Variants in ANKRD30A observed in about 807,000 individuals in gnomAD.
ANKRD30A encodes ankyrin repeat domain 30A.
A neutral mutation model predicts 166.3 loss-of-function variants in ANKRD30A; 170 were observed. The observed-to-expected ratio is 1.02, with a 90% confidence interval of 0.90 to 1.16. The LOEUF (loss-of-function observed/expected upper bound fraction) is 1.16. Among genes scored for constraint, ANKRD30A ranks in the 50% most tolerant of loss-of-function variants. The pLI, the probability that ANKRD30A is intolerant of heterozygous loss-of-function variation, is 0.00. For missense variants in ANKRD30A, 1,630 were observed against 1,518.0 expected (o/e 1.07, Z -1.23); for synonymous variants, 564 against 508.9 (o/e 1.11, Z -1.46).
chr10:37,165,421 G>C (rs1392835808), intron 18 of ANKRD30A, among the ~76,000 whole-genome samples: 1 of 152,224 alleles, frequency 6.6e-6, no homozygotes, highest in Non-Finnish European at 1.5e-5. Flanking sequence ...AAATTCACAT[G>C]GGATCTGGAG....
chr10:37,159,215 G>A (rs1316616132), intron 15 of ANKRD30A, among the ~76,000 whole-genome samples: 4 of 152,086 alleles, frequency 2.6e-5, no homozygotes, highest in Admixed American at 2.0e-4. Flanking sequence ...TCCCATGCAC[G>A]TTTAAAACAT....
intron 5 of ANKRD30A, among the ~76,000 whole-genome samples, chr10:37,134,888 A>C (rs771094860): frequency 6.6e-6 from 1 of 152,174 alleles, no homozygotes. Context: ...TTAGAGACCC[A>C]TTTTTATTTT....
At chr10:37,183,330 A>G (rs2132642582) in intron 24 of ANKRD30A, among the ~76,000 whole-genome samples, 1 of 145,290 alleles carries the variant, frequency 6.9e-6, no homozygotes, top group South Asian at 2.3e-4. Flanking sequence ...TAGGAAAAAC[A>G]TTATGTGAAC....
intron 6 of ANKRD30A, 125 bp from the exon 7 acceptor site, chr10:37,141,593 A>AAT: frequency 1.4e-5 from 17 of 1,223,630 alleles, no homozygotes; most frequent in Non-Finnish European, 1.9e-5. Flanking sequence ...AAAAAAAAAA[A>AAT]GAGAAAAGAA....
Position 37,217,802 on chromosome 10 carries a change from A to G in ANKRD30A, c.3191A>G (p.Glu1064Gly). The change falls in exon 33 of 36, where the codon GAA becomes GGA. Residue 1064 changes from glutamate (E) to glycine (G), a missense_variant. By Grantham distance (98) the Glu-to-Gly change is moderately conservative. Transcript: ENST00000361713. ...RIEEQHRKEL[E>G]VKQQLEQALR... ...GAAGAGCAGCATAGGAAAGAGTTAG[A>G]AGTGAAACAACAACTTGAACAGGCT... The G allele has an allele frequency of 1.9e-6, 3 of 1,600,774 alleles. No homozygotes were observed. The highest frequency in any genetic ancestry group is 2.6e-6 in the Non-Finnish European group (3 of 1,172,800).
chr10:37,233,639 A>G (rs1468979049), downstream of ANKRD30A, among the ~76,000 whole-genome samples: 2 of 152,188 alleles, frequency 1.3e-5, no homozygotes, highest in Admixed American at 6.5e-5. Context: ...TTGCCAAATC[A>G]TGTTCGACTT....
intron 3 of ANKRD30A, among the ~76,000 whole-genome samples, chr10:37,130,901 C>T (rs577613494): frequency 4.6e-5 from 7 of 152,244 alleles, no homozygotes; most frequent in Admixed American, 2.6e-4. Context: ...TCTGTAAATA[C>T]TTCAGTTATC....
chr10:37,158,710 A>G (rs927563979), intron 15 of ANKRD30A, 124 bp downstream of exon 15: 1 of 1,376,218 alleles, frequency 7.3e-7, no homozygotes, highest in African/African-American at 1.5e-5. Flanking sequence ...TTGATACAAT[A>G]ATGCCAATGT....
intron 27 of ANKRD30A, among the ~76,000 whole-genome samples, chr10:37,195,000 T>C (rs1218770970): frequency 6.6e-6 from 1 of 152,148 alleles, no homozygotes; most frequent in Non-Finnish European, 1.5e-5. Context: ...AATTATGACA[T>C]TGTGACATGT....
chr10:37,218,933 T>C (rs376776374), intron 33 of ANKRD30A, 47 bp from the exon 34 acceptor site: 8 of 1,228,342 alleles, frequency 6.5e-6, no homozygotes, highest in East Asian at 4.8e-5. Flanking sequence ...AACCATGATA[T>C]GCCATTTTAT....
intron 34 of ANKRD30A, among the ~76,000 whole-genome samples, chr10:37,224,996 C>G (rs1212489194): frequency 2.0e-5 from 3 of 151,436 alleles, no homozygotes; most frequent in East Asian, 3.9e-4. Flanking sequence ...ATGCTTTTCC[C>G]CTTTGATGCT....
chr10:37,216,045 G>A (rs759670099), intron 31 of ANKRD30A, 136 bp from the exon 32 acceptor site: 2 of 450,716 alleles, frequency 4.4e-6, no homozygotes, highest in Non-Finnish European at 7.5e-6. Flanking sequence ...TTAATCTGCA[G>A]AGCTTAGTAT....
chr10:37,133,113 G>A (rs1051848765), intron 4 of ANKRD30A, among the ~76,000 whole-genome samples: 9 of 151,990 alleles, frequency 5.9e-5, no homozygotes, highest in East Asian at 1.9e-4. Context: ...TTATCCCTAC[G>A]TGACTATTAA....
chr10:37,139,456 C>A (rs1836950539), intron 6 of ANKRD30A, among the ~76,000 whole-genome samples: 1 of 152,162 alleles, frequency 6.6e-6, no homozygotes, highest in Non-Finnish European at 1.5e-5. Flanking sequence ...GCCATCCTGC[C>A]CATGGGTGAT....
rs71007624 is a variant in ANKRD30A, at chr10:37,219,988, AATATATATATATATAT to A, written c.4185+117_4185+132del. 1.9e-3 allele frequency: 361 copies of A among 187,862 alleles called. 4 individuals are homozygous for A. The highest frequency in any genetic ancestry group is 6.3e-3 in the Middle Eastern group (4 of 634). 11.6% of individuals were successfully genotyped at this position (187,862 alleles called of 1,614,324 possible). ...CTTGGCTAAATGCTGAATCTAGTTG[AATATATATATATATAT>A]ATATATATATATATATATATATATA... On this transcript the variant is annotated intron_variant, in intron 34 of 35. Coordinates refer to ENST00000361713, the MANE Select transcript of ANKRD30A (RefSeq NM_052997.3).
intron 29 of ANKRD30A, among the ~76,000 whole-genome samples, chr10:37,198,705 A>C (rs923853535): frequency 1.3e-5 from 2 of 152,110 alleles, no homozygotes; most frequent in Non-Finnish European, 2.9e-5. Context: ...GACACTCTGC[A>C]TGAAATATGA....
Position 37,219,791 on chromosome 10 carries a change from A to T in ANKRD30A, c.4079A>T (p.Lys1360Ile), listed in dbSNP as rs746177013. ...ATTGATATTCATTTTCTTGAGAGGAAAATGCAACATCATCTCCTAAAAGAG... is the reference window on the plus strand; with the variant it reads ...ATTGATATTCATTTTCTTGAGAGGATAATGCAACATCATCTCCTAAAAGAG... ...ITIDIHFLER[K>I]MQHHLLKEKN... is the part of the protein sequence containing the mutation. The change falls in exon 34 of 36, where the codon AAA (lysine) becomes ATA (isoleucine). Residue 1360 changes from lysine to isoleucine, a missense_variant. Lys to Ile is a moderately radical substitution (Grantham distance 102, BLOSUM62 -3). Around this residue, in one of 4 missense-constraint regions of ANKRD30A, gnomAD observed 712 missense variants for 629.3 expected, o/e 1.13. Coordinates refer to ENST00000361713, the MANE Select transcript of ANKRD30A (RefSeq NM_052997.3). 1 of 1,607,320 alleles carries T rather than the reference A, an allele frequency of 6.2e-7. No homozygotes were observed.
the ANKRD30A span, chr10:37,240,783 C>T: frequency 6.6e-6 from 1 of 152,072 alleles, no homozygotes; most frequent in Non-Finnish European, 1.5e-5. Context: ...TCTGTGTGTT[C>T]CAGTAGTGCC....
chr10:37,159,353 C>A (rs58528600), intron 15 of ANKRD30A, among the ~76,000 whole-genome samples: 2,871 of 152,102 alleles, frequency 0.019, 91 homozygotes, highest in African/African-American at 0.065. Context: ...CCCATCTCTA[C>A]TAAATATAAC....
Sources: gnomAD v4.1 joint callset for allele counts (sites outside exome capture counted in the v4.1 genomes callset) on GRCh38, gnomAD v4.1.1 for gene constraint, gnomAD v4.1.1 regional missense constraint, MANE v1.5 for transcripts, NCBI Gene and HGNC (gene_info 2026-07-23, HGNC 2026-07-21) for gene names.